CACNA2D3: variants seen among roughly 807,000 people sequenced by gnomAD.
CACNA2D3 encodes the protein voltage-dependent calcium channel subunit alpha-2/delta-3.
In CACNA2D3, 60 loss-of-function variants were observed where a neutral mutation model predicts 160.6. The observed-to-expected ratio is 0.37, with a 90% CI of 0.30 to 0.46. The LOEUF (loss-of-function observed/expected upper bound fraction) is 0.46. CACNA2D3 is among the 20% of genes least tolerant of loss of function. The probability of loss-of-function intolerance (pLI) is 1.00; values close to 1 mark genes in which losing one functional copy is unlikely to be tolerated. For synonymous variants in CACNA2D3, 558 were observed against 492.9 expected, an observed-to-expected ratio of 1.13 and a Z score of -1.75; for missense variants, 1,205 against 1,365.0, an observed-to-expected ratio of 0.88 and a Z score of 1.85.
intron 5 of CACNA2D3, among the ~76,000 whole-genome samples, chr3:54,537,809 G>A (rs556939363): frequency 8.5e-5 from 13 of 152,124 alleles, no homozygotes; most frequent in Non-Finnish European, 1.5e-4. Context: ...GCATACCAGC[G>A]GCTCACTCCG....
At chr3:54,453,255 A>T (rs1373779819) in intron 4 of CACNA2D3, among the ~76,000 whole-genome samples, 1 of 152,128 alleles carries the variant, frequency 6.6e-6, no homozygotes, top group Non-Finnish European at 1.5e-5. Flanking sequence ...AACCTCCTGA[A>T]GTGCTGGGAT....
chr3:54,596,038 G>A (rs1195028086), intron 9 of CACNA2D3, among the ~76,000 whole-genome samples: 3 of 152,056 alleles, frequency 2.0e-5, no homozygotes, highest in Admixed American at 2.0e-4. Context: ...CAATTAGGTG[G>A]GGAGGGCGGG....
intron 9 of CACNA2D3, among the ~76,000 whole-genome samples, chr3:54,620,658 G>A (rs571717094): frequency 1.5e-4 from 23 of 152,248 alleles, no homozygotes; most frequent in Admixed American, 3.9e-4. Flanking sequence ...AGCCCTGCAC[G>A]GAATCTTAGC....
chr3:55,034,436 T>C (rs1338059149), intron 35 of CACNA2D3, among the ~76,000 whole-genome samples: 1 of 152,078 alleles, frequency 6.6e-6, no homozygotes, highest in African/African-American at 2.4e-5. Flanking sequence ...GTGCTAGACA[T>C]TTCTATTGAG....
chr3:54,887,149 A>C (rs1326335052), intron 23 of CACNA2D3, among the ~76,000 whole-genome samples: 3 of 151,938 alleles, frequency 2.0e-5, no homozygotes, highest in Non-Finnish European at 4.4e-5. Context: ...TTCTTGGCCG[A>C]GCGTGGTGGC....
intron 4 of CACNA2D3, among the ~76,000 whole-genome samples, chr3:54,405,586 A>G (rs1699560640): frequency 6.6e-6 from 1 of 152,132 alleles, no homozygotes; most frequent in African/African-American, 2.4e-5. Flanking sequence ...TGAAAGACCT[A>G]AATGTAAAAC....
At chr3:54,645,592 C>G (rs1456534419) in intron 11 of CACNA2D3, among the ~76,000 whole-genome samples, 1 of 152,174 alleles carries the variant, frequency 6.6e-6, no homozygotes, top group Non-Finnish European at 1.5e-5. Flanking sequence ...TTCCCTCCCA[C>G]AGGTGTGGAG....
intron 17 of CACNA2D3, among the ~76,000 whole-genome samples, chr3:54,866,472 A>C (rs958804508): frequency 6.6e-6 from 1 of 152,136 alleles, no homozygotes; most frequent in Non-Finnish European, 1.5e-5. Context: ...GTCACACCCC[A>C]TGTCCAGATG....
intron 4 of CACNA2D3, among the ~76,000 whole-genome samples, chr3:54,463,075 C>A (rs530582195): frequency 3.9e-5 from 6 of 152,072 alleles, no homozygotes; most frequent in Non-Finnish European, 8.8e-5. Context: ...GTTGAAAATT[C>A]TTTTCTTTAA....
intron 2 of CACNA2D3, among the ~76,000 whole-genome samples, chr3:54,150,689 G>T (rs183820005): frequency 2.6e-5 from 4 of 152,304 alleles, no homozygotes; most frequent in African/African-American, 9.6e-5. Flanking sequence ...TGGAAGAGGC[G>T]TAAGTCATAC....
intron 2 of CACNA2D3, among the ~76,000 whole-genome samples, chr3:54,298,250 T>TA (rs1703384487): frequency 6.6e-6 from 1 of 152,122 alleles, no homozygotes; most frequent in Admixed American, 6.5e-5. Flanking sequence ...GAATTGGAGG[T>TA]ACAAAGCCAG....
chr3:54,884,922 C>T (rs1045228655), intron 21 of CACNA2D3, among the ~76,000 whole-genome samples: 16 of 152,100 alleles, frequency 1.1e-4, no homozygotes, highest in Admixed American at 3.3e-4. Flanking sequence ...TGGCCTAGCC[C>T]GGTTCCCAAC....
At chr3:54,656,176 C>G (rs6785086) in intron 11 of CACNA2D3, among the ~76,000 whole-genome samples, 20,811 of 152,230 alleles carry the variant, frequency 0.14, 1,548 homozygotes, top group African/African-American at 0.2. Flanking sequence ...GCTATGAACA[C>G]AGAGAGGATA....
At chr3:54,588,885 G>A (rs910210480) in intron 9 of CACNA2D3, among the ~76,000 whole-genome samples, 2 of 150,930 alleles carry the variant, frequency 1.3e-5, no homozygotes, top group African/African-American at 4.9e-5. Flanking sequence ...TGATATGTAG[G>A]TTTAATATTT....
At chr3:54,587,575 A>G (rs1302851174) in intron 9 of CACNA2D3, among the ~76,000 whole-genome samples, 4 of 152,206 alleles carry the variant, frequency 2.6e-5, no homozygotes, top group Middle Eastern at 3.4e-3. Flanking sequence ...AGTTAAAAAA[A>G]TTTAAAAAAA....
chr3:54,739,787 G>C (rs1184614729), intron 11 of CACNA2D3, among the ~76,000 whole-genome samples: 1 of 88,064 alleles, frequency 1.1e-5, no homozygotes, highest in Admixed American at 1.3e-4. Flanking sequence ...GTGTGTGTGT[G>C]TGTGTGTGGA....
At chr3:54,762,156 A>G (rs953556166) in intron 12 of CACNA2D3, among the ~76,000 whole-genome samples, 6 of 152,146 alleles carry the variant, frequency 3.9e-5, no homozygotes, top group Admixed American at 1.3e-4. Context: ...GATAAAGTCT[A>G]AACTCTTTCC....
intron 27 of CACNA2D3, among the ~76,000 whole-genome samples, chr3:54,956,942 C>T (rs1701912777): frequency 6.6e-6 from 1 of 152,014 alleles, no homozygotes. Flanking sequence ...AAGGTAACTT[C>T]TTAGTAGGAG....
intron 5 of CACNA2D3, among the ~76,000 whole-genome samples, chr3:54,547,776 C>T (rs1216464218): frequency 6.8e-6 from 1 of 146,594 alleles, no homozygotes; most frequent in Non-Finnish European, 1.5e-5. Context: ...CCTCAAACTC[C>T]TGGGCTCAAG....
Sources: allele counts gnomAD v4.1 joint callset (sites outside exome capture counted in the v4.1 genomes callset), GRCh38; gene constraint gnomAD v4.1.1; transcripts MANE v1.5; gene names NCBI Gene and HGNC (gene_info 2026-07-23, HGNC 2026-07-21).